The following DMBT1 variants were observed in gnomAD, a reference collection of about 807,000 sequenced individuals.
DMBT1 encodes the protein deleted in malignant brain tumors 1, also known as scavenger receptor cysteine-rich domain-containing protein DMBT1.
In DMBT1, 198 loss-of-function variants were observed where a neutral mutation model predicts 252.9. The observed-to-expected ratio is 0.78, with a 90% confidence interval of 0.70 to 0.88. DMBT1 has a LOEUF of 0.88. Among genes scored for constraint, DMBT1 ranks in the 40% least tolerant of loss-of-function variants. DMBT1 has a pLI of 0.00. For missense variants in DMBT1, 2,432 were observed against 2,404.7 expected, an observed-to-expected ratio of 1.01 and a Z score of -0.24; for synonymous variants, 990 against 942.7, an observed-to-expected ratio of 1.05 and a Z score of -0.92.
At chr10:122,578,246 C>T (rs2097730533) in intron 8 of DMBT1, among the ~76,000 whole-genome samples, 1 of 152,204 alleles carries the variant, frequency 6.6e-6, no homozygotes, top group Non-Finnish European at 1.5e-5. Context: ...TGAAAAACCC[C>T]CAGATTCTGC....
Position 122,589,179 on chromosome 10 carries a change from A to C in DMBT1, c.2019A>C (p.Gly673=), listed in dbSNP as rs1264508486. ...PIVLDDVRCS[G]HESYLWSCPN... is the part of the protein sequence containing the mutation. ...TCCTGGATGATGTGCGCTGCTCAGG[A>C]CATGAGTCCTACCTGTGGAGCTGCC... The change falls in exon 17 of 56, where the codon GGA becomes GGC. Residue 673 remains glycine, a synonymous_variant. Transcript: ENST00000338354. The C allele has an allele frequency of 2.5e-6, 4 of 1,588,256 alleles. 1 individual carries two copies. The highest frequency in any genetic ancestry group is 1.7e-6 in the Non-Finnish European group (2 of 1,165,672).
At chr10:122,599,118 G>A in intron 26 of DMBT1, 21 bp downstream of exon 26, 2 of 1,613,826 alleles carry the variant, frequency 1.2e-6, no homozygotes, top group Non-Finnish European at 1.7e-6. Flanking sequence ...AAGAACTTGG[G>A]ATCACTCTCT....
rs1382832502 is a variant in DMBT1, at chr10:122,586,144, G to T, written c.1544G>T (p.Trp515Leu). The change falls in exon 16 of 56, where the codon TGG (tryptophan) becomes TTG (leucine). Residue 515 changes from tryptophan to leucine, a missense_variant. Transcript: ENST00000338354. ...GTGGAGGTCCTATACCGAGGCTCCT[G>T]GGGCACCGTGTGTGATGACAGCTGG... ...GRVEVLYRGS[W>L]GTVCDDSWDT... is the part of the protein sequence containing the mutation. The T allele has an allele frequency of 6.3e-7, 1 of 1,589,192 alleles. No individual in the cohort carries two copies. The highest frequency in any genetic ancestry group is 8.6e-7 in the Non-Finnish European group (1 of 1,166,094).
At position 122,634,441 on chromosome 10, in the gene DMBT1, TCTCTCTCTCTCTCTC is replaced by T. The variant is rs1566007847; in HGVS notation, c.6548+1101_6548+1115del. 1.1e-3 allele frequency among the ~76,000 whole-genome samples: 72 copies of T among 63,718 alleles called. 2 individuals are homozygous for T. The highest frequency in any genetic ancestry group is 4.5e-3 in the African/African-American group (67 of 14,762). The allele number at this position is 63,718 out of a possible 152,430, so 41.8% of individuals were successfully genotyped here. The stretch of plus-strand genomic sequence containing the variant: ...TCTCTCTCTCTCTCTTCTCTCTCTC[TCTCTCTCTCTCTCTC>T]TCTCTCTCTCTCTCTCTCTCTCTCT... On this transcript the variant is annotated intron_variant, in intron 52 of 55. Coordinates refer to ENST00000338354, the MANE Select transcript of DMBT1 (RefSeq NM_001377530.1).
In DMBT1 at chr10:122,580,903, C is replaced by A. The variant is rs756439911; in HGVS notation, c.1033+8C>A. 1.2e-6 allele frequency: 2 copies of A among 1,613,804 alleles called. No individual in the cohort carries two copies. Among genetic ancestry groups the A allele is most frequent in the South Asian group, 1.1e-5 (1 of 91,016 alleles). On this transcript the variant is annotated splice_region_variant and intron_variant, in intron 11 of 55. Coordinates refer to ENST00000338354, the MANE Select transcript of DMBT1 (RefSeq NM_001377530.1). ...GGCCGACACCCAGCCCAGGTAGGTC[C>A]CCAGTGTCCTTCCTCAAAATGTCCC...
At chr10:122,586,625 G>A (rs1347700428) in intron 16 of DMBT1, among the ~76,000 whole-genome samples, 2 of 148,374 alleles carry the variant, frequency 1.3e-5, no homozygotes, top group African/African-American at 2.4e-5. Context: ...CTGAGGCAGC[G>A]CAAGCAGAGG....
At position 122,592,292 on chromosome 10, in the gene DMBT1, C is replaced by G. The variant is rs764386597; in HGVS notation, c.2197C>G (p.Leu733Val). 6.3e-7 allele frequency: 1 copy of G among 1,587,338 alleles called. No individual in the cohort carries two copies. The highest frequency in any genetic ancestry group is 1.2e-5 in the South Asian group (1 of 86,860). ...STVGSESSLT[L>V]RLVNGSDRCQ... ...TGTAGGATCTGAATCCAGTTTGACC[C>G]TGAGGCTGGTGAATGGAAGTGACAG... Residue 733 changes from leucine to valine, a missense_variant, in exon 20 of 56, where the codon CTG becomes GTG. Leu to Val is a conservative substitution (Grantham distance 32). Transcript: ENST00000338354.
At chr10:122,641,458 T>G (rs1247398348) in intron 55 of DMBT1, among the ~76,000 whole-genome samples, 1 of 152,198 alleles carries the variant, frequency 6.6e-6, no homozygotes, top group African/African-American at 2.4e-5. Context: ...CCTCTTGATA[T>G]GCTAAACGTA....
At chr10:122,562,506 T>A (rs1200979351) in intron 1 of DMBT1, among the ~76,000 whole-genome samples, 1 of 152,186 alleles carries the variant, frequency 6.6e-6, no homozygotes, top group Non-Finnish European at 1.5e-5. Flanking sequence ...CCTGCCTCCA[T>A]CAGAAGCATC....
At chr10:122,640,546 G>A in intron 55 of DMBT1, 97 bp downstream of exon 55, 1 of 1,300,150 alleles carries the variant, frequency 7.7e-7, no homozygotes, top group Non-Finnish European at 1.0e-6. Flanking sequence ...TTGATGAACT[G>A]CAGTTCCCAG....
intron 6 of DMBT1, 46 bp from the exon 7 acceptor site, chr10:122,576,353 G>A: frequency 6.2e-7 from 1 of 1,600,962 alleles, no homozygotes; most frequent in Non-Finnish European, 8.5e-7. Context: ...CTGAGACCTT[G>A]TGCCTCAGTA....
Position 122,621,381 on chromosome 10 carries a change from G to A in DMBT1, c.5608+1G>A. ...GAAGACGCTGGTGTCATCTGCTCAGGTGGGCCTTCAAGACCTGGGGCTCCC... is the reference window on the plus strand; with the variant it reads ...GAAGACGCTGGTGTCATCTGCTCAGATGGGCCTTCAAGACCTGGGGCTCCC... On this transcript the variant is annotated splice_donor_variant, in intron 44 of 55. Coordinates refer to ENST00000338354, the MANE Select transcript of DMBT1 (RefSeq NM_001377530.1). LOFTEE classifies it high-confidence loss of function. The A allele has an allele frequency of 6.2e-7, 1 of 1,613,848 alleles. No individual in the cohort carries two copies. Among genetic ancestry groups the A allele is most frequent in the Non-Finnish European group, 8.5e-7 (1 of 1,179,758 alleles).
chr10:122,563,143 A>G (rs887395831), intron 1 of DMBT1, among the ~76,000 whole-genome samples: 1 of 152,060 alleles, frequency 6.6e-6, no homozygotes, highest in Non-Finnish European at 1.5e-5. Flanking sequence ...CTTGAGAAAA[A>G]CTCAGTATGC....
chr10:122,584,941 C>T lies in DMBT1; in HGVS notation c.1421-330C>T, dbSNP rs1047844038. 2.0e-5 allele frequency among the ~76,000 whole-genome samples: 3 copies of T among 149,228 alleles called. No individual in the cohort carries two copies. In the East Asian group the frequency reaches 6.2e-4, roughly 31 times the overall value. On this transcript the variant is annotated intron_variant, in intron 14 of 55. Coordinates refer to ENST00000338354, the MANE Select transcript of DMBT1 (RefSeq NM_001377530.1). ...TTGGTCAGCTCCTTGGTTTCCCTAA[C>T]GTTTTAGCTCGAGCTAGTAGAGTGT... is the stretch of plus-strand genomic sequence containing the variant.
intron 6 of DMBT1, among the ~76,000 whole-genome samples, chr10:122,574,469 T>G (rs534460271): frequency 6.6e-6 from 1 of 152,286 alleles, no homozygotes; most frequent in East Asian, 1.9e-4. Flanking sequence ...TGATGGTACA[T>G]GCATCGGGCC....
At chr10:122,621,670 C>A (rs776354468) in intron 44 of DMBT1, among the ~76,000 whole-genome samples, 7 of 152,166 alleles carry the variant, frequency 4.6e-5, no homozygotes, top group Non-Finnish European at 7.4e-5. Context: ...CTCCATTTCT[C>A]CCCTACTGAG....
intron 9 of DMBT1, 102 bp from the exon 10 acceptor site, chr10:122,579,460 AAGGTGACTGCCTGCCT>A: frequency 6.4e-7 from 1 of 1,570,622 alleles, no homozygotes; most frequent in Non-Finnish European, 8.6e-7. Flanking sequence ...GTCATATGCA[AAGGTGACTGCCTGCCT>A]AGGTGACTTA....
At chr10:122,618,454 C>A in intron 41 of DMBT1, 114 bp downstream of exon 41, 1 of 1,550,542 alleles carries the variant, frequency 6.4e-7, no homozygotes, top group South Asian at 1.2e-5. Context: ...TTCTATATTT[C>A]TGAAGTCTTG....
chr10:122,643,680 T>C lies in DMBT1; in HGVS notation c.*282T>C. 2.1e-6 allele frequency: 1 copy of C among 480,256 alleles called. No individual in the cohort carries two copies. The highest frequency in any genetic ancestry group is 3.8e-6 in the Non-Finnish European group (1 of 265,388). The allele number at this position is 480,256 out of a possible 1,614,324, so 29.7% of individuals were successfully genotyped here. On this transcript the variant is annotated 3_prime_UTR_variant, in exon 56 of 56. Transcript: ENST00000338354. The stretch of plus-strand genomic sequence containing the variant: ...ATCTGCAAAATGAAAATGTCAATAC[T>C]TACTTCTTAGCACTGTTGAGAGGGT...
Sources: gnomAD v4.1 joint callset for allele counts (sites outside exome capture counted in the v4.1 genomes callset) on GRCh38, gnomAD v4.1.1 for gene constraint, MANE v1.5 for transcripts, NCBI Gene and HGNC (gene_info 2026-07-23, HGNC 2026-07-21) for gene names.